Variants in SOS1 observed in about 807,000 individuals in gnomAD.
SOS1 encodes son of sevenless homolog 1.
A neutral mutation model predicts 157.6 loss-of-function variants in SOS1; 25 were observed. The observed-to-expected ratio is 0.16, with a 90% CI of 0.12 to 0.22. The LOEUF (loss-of-function observed/expected upper bound fraction) is 0.22. SOS1 is among the 10% of genes least tolerant of loss of function. The pLI, the probability that SOS1 is intolerant of heterozygous loss-of-function variation, is 1.00. For missense variants in SOS1, 1,237 were observed against 1,599.1 expected, an observed-to-expected ratio of 0.77 and a Z score of 3.86; for synonymous variants, 528 against 534.0, an observed-to-expected ratio of 0.99 and a Z score of 0.16.
intron 6 of SOS1, among the ~76,000 whole-genome samples, chr2:39,043,393 T>G (rs932589488): frequency 6.6e-6 from 1 of 152,228 alleles, no homozygotes; most frequent in Non-Finnish European, 1.5e-5. Flanking sequence ...CTCATAGTTT[T>G]TTCTTTACTG....
intron 1 of SOS1, among the ~76,000 whole-genome samples, chr2:39,116,007 C>T (rs193176490): frequency 2.0e-5 from 3 of 152,022 alleles, no homozygotes; most frequent in Admixed American, 1.3e-4. Flanking sequence ...CACCTGCTGA[C>T]GAACATTGGA....
chr2:39,078,692 G>C (rs1318243407), intron 1 of SOS1, among the ~76,000 whole-genome samples: 1 of 152,136 alleles, frequency 6.6e-6, no homozygotes, highest in African/African-American at 2.4e-5. Flanking sequence ...GATCTGAGGT[G>C]AAAGAGTTTT....
At chr2:39,058,637 C>T in intron 3 of SOS1, 36 bp downstream of exon 3, 1 of 1,605,026 alleles carries the variant, frequency 6.2e-7, no homozygotes, top group Non-Finnish European at 8.5e-7. Context: ...TTTTATTTTT[C>T]CCTTAAAAGG....
chr2:39,105,552 T>C (rs995458058), intron 1 of SOS1, among the ~76,000 whole-genome samples: 1 of 152,212 alleles, frequency 6.6e-6, no homozygotes, highest in Non-Finnish European at 1.5e-5. Context: ...TATTTTTAAA[T>C]TTTATATCCA....
chr2:39,048,510 C>T (rs902159294), intron 6 of SOS1, among the ~76,000 whole-genome samples: 1 of 151,992 alleles, frequency 6.6e-6, no homozygotes, highest in Admixed American at 6.6e-5. Context: ...AAGCAATTCT[C>T]GTGTCTCAGT....
intron 17 of SOS1, 77 bp downstream of exon 17, chr2:39,006,335 A>C (rs574702077): frequency 5.2e-5 from 42 of 811,842 alleles, no homozygotes; most frequent in Non-Finnish European, 8.8e-5. Context: ...TTACACATGT[A>C]ATTATTCAGT....
At chr2:39,112,226 G>A (rs140295291) in intron 1 of SOS1, among the ~76,000 whole-genome samples, 123 of 151,874 alleles carry the variant, frequency 8.1e-4, no homozygotes, top group African/African-American at 2.4e-3. Flanking sequence ...CTTCTCTCCC[G>A]GCTTACCTGA....
chr2:38,997,584 A>ATT (rs1285787107), intron 17 of SOS1, among the ~76,000 whole-genome samples, 159 bp from the exon 18 acceptor site: 1 of 146,732 alleles, frequency 6.8e-6, no homozygotes, highest in Non-Finnish European at 1.5e-5. Context: ...AGCTTAAGAG[A>ATT]AAGTATCTGT....
At chr2:39,032,847 C>A (rs748609240) in intron 8 of SOS1, among the ~76,000 whole-genome samples, 1 of 151,968 alleles carries the variant, frequency 6.6e-6, no homozygotes, top group Non-Finnish European at 1.5e-5. Context: ...TTTAATTAAT[C>A]CCAGCTGCTT....
intron 1 of SOS1, among the ~76,000 whole-genome samples, chr2:39,080,069 T>A (rs899035975): frequency 6.6e-6 from 1 of 152,128 alleles, no homozygotes; most frequent in Admixed American, 6.6e-5. Context: ...ATTTATTGTT[T>A]ACTTTATTTC....
At chr2:39,090,689 C>A (rs1182276918) in intron 1 of SOS1, among the ~76,000 whole-genome samples, 1 of 152,026 alleles carries the variant, frequency 6.6e-6, no homozygotes, top group Admixed American at 6.6e-5. Flanking sequence ...GAACGAGCCT[C>A]TATCTCAAAA....
rs1031553240 is a variant in SOS1 at position 39,121,030 on chromosome 2, C to G, written c.-608G>C. On this transcript the variant is annotated 5_prime_UTR_variant, in exon 1 of 23. Coordinates refer to ENST00000402219, the MANE Select transcript of SOS1 (RefSeq NM_005633.4). The stretch of plus-strand genomic sequence containing the variant: ...GTGTAGCGCTGGAGCTTCCTACTAG[C>G]GAACTGAACCTGCTCGCTACTGAGC... The G allele has an allele frequency of 6.0e-6, 1 of 165,544 alleles. No homozygotes were observed. Among genetic ancestry groups the G allele is most frequent in the African/African-American group, 2.4e-5 (1 of 41,598 alleles). The allele number at this position is 165,544 out of a possible 1,614,324, so 10.3% of individuals were successfully genotyped here.
intron 1 of SOS1, among the ~76,000 whole-genome samples, chr2:39,101,538 C>G (rs916306100): frequency 1.3e-5 from 2 of 151,874 alleles, no homozygotes; most frequent in Admixed American, 6.6e-5. Flanking sequence ...CCTAACTATA[C>G]CTGGTTTGAA....
Position 39,041,423 on chromosome 2 carries a change from C to T in SOS1, c.865-5923G>A, listed in dbSNP as rs78324100. On this transcript the variant is annotated intron_variant, in intron 6 of 22. Coordinates refer to ENST00000402219, the MANE Select transcript of SOS1 (RefSeq NM_005633.4). ...TTGGGTTATCTTTTTGTTATATACACTGAATACTACTCTTATCAGAAATAT... is the reference window on the plus strand; with the variant it reads ...TTGGGTTATCTTTTTGTTATATACATTGAATACTACTCTTATCAGAAATAT... Among the ~76,000 whole-genome samples the T allele has an allele frequency of 3.6e-3, 554 of 152,280 alleles. 5 individuals carry two copies. The highest frequency in any genetic ancestry group is 0.013 in the African/African-American group (524 of 41,558).
intron 17 of SOS1, among the ~76,000 whole-genome samples, chr2:39,005,022 G>GTA (rs1161967231): frequency 6.6e-6 from 1 of 152,144 alleles, no homozygotes; most frequent in African/African-American, 2.4e-5. Flanking sequence ...TTTAACCTAT[G>GTA]TATAGTAGTC....
At chr2:39,086,364 A>G (rs187014272) in intron 1 of SOS1, among the ~76,000 whole-genome samples, 1 of 152,334 alleles carries the variant, frequency 6.6e-6, no homozygotes, top group East Asian at 1.9e-4. Context: ...TGCATATACT[A>G]GGATAAGGAA....
intron 2 of SOS1, among the ~76,000 whole-genome samples, chr2:39,064,601 T>C (rs932838749): frequency 2.0e-5 from 3 of 152,116 alleles, no homozygotes; most frequent in African/African-American, 4.8e-5. Context: ...ACTGTAAATA[T>C]GTATTCTTTG....
chr2:39,117,658 A>G (rs191093317), intron 1 of SOS1, among the ~76,000 whole-genome samples: 11 of 152,352 alleles, frequency 7.2e-5, no homozygotes, highest in South Asian at 2.1e-4. Flanking sequence ...GAAGTGTCCT[A>G]TAACTGGTGA....
intron 8 of SOS1, among the ~76,000 whole-genome samples, chr2:39,028,118 T>C (rs1343926066): frequency 6.6e-6 from 1 of 152,218 alleles, no homozygotes. Context: ...AGGAATCATA[T>C]TTTAAAGCAG....
Sources: allele counts gnomAD v4.1 joint callset (sites outside exome capture counted in the v4.1 genomes callset), GRCh38; gene constraint gnomAD v4.1.1; transcripts MANE v1.5; gene names NCBI Gene and HGNC (gene_info 2026-07-23, HGNC 2026-07-21).